The following SPOCK3 variants were observed in gnomAD, a reference collection of about 807,000 sequenced individuals.
SPOCK3 encodes testican-3.
In SPOCK3, 30 loss-of-function variants were observed where a neutral mutation model predicts 56.6. That is an observed-to-expected ratio of 0.53 (90% CI 0.40 to 0.72). The LOEUF (loss-of-function observed/expected upper bound fraction) is 0.72, where lower values mean the gene tolerates loss of function less well. SPOCK3 is among the 30% of genes least tolerant of loss of function. SPOCK3 has a pLI of 0.00. For missense variants in SPOCK3, 527 were observed against 530.0 expected (o/e 0.99, Z 0.06); for synonymous variants, 196 against 183.3 (o/e 1.07, Z -0.56).
chr4:166,856,705 C>T (rs970540333), intron 6 of SPOCK3, among the ~76,000 whole-genome samples: 44 of 151,812 alleles, frequency 2.9e-4, no homozygotes, highest in African/African-American at 9.7e-4. Context: ...ACCCGGGAGG[C>T]GGAGGTTGCA....
chr4:166,946,785 A>G (rs966945382), intron 4 of SPOCK3, among the ~76,000 whole-genome samples: 1 of 152,192 alleles, frequency 6.6e-6, no homozygotes, highest in Non-Finnish European at 1.5e-5. Flanking sequence ...TAAGTACAGC[A>G]TGGGCAGGAA....
chr4:167,185,295 T>C (rs6553593), intron 2 of SPOCK3, among the ~76,000 whole-genome samples: 1 of 152,152 alleles, frequency 6.6e-6, no homozygotes, highest in East Asian at 1.9e-4. Context: ...CCAGTTGACA[T>C]TATGTCACGC....
At chr4:167,128,529 C>T (rs1762466085) in intron 2 of SPOCK3, among the ~76,000 whole-genome samples, 1 of 152,162 alleles carries the variant, frequency 6.6e-6, no homozygotes, top group Non-Finnish European at 1.5e-5. Flanking sequence ...TGGAGGTGTT[C>T]ATATACTGTG....
chr4:167,085,203 G>A (rs1758078149), intron 2 of SPOCK3, among the ~76,000 whole-genome samples: 2 of 149,900 alleles, frequency 1.3e-5, no homozygotes, highest in South Asian at 2.1e-4. Context: ...AATGTCCTTT[G>A]AGGAATGACT....
intron 7 of SPOCK3, among the ~76,000 whole-genome samples, chr4:166,762,724 T>C (rs780513970): frequency 1.3e-5 from 2 of 152,076 alleles, no homozygotes; most frequent in Non-Finnish European, 2.9e-5. Flanking sequence ...CTAGAATGTC[T>C]AGAGATGAAA....
At chr4:167,137,492 T>G (rs1039442783) in intron 2 of SPOCK3, among the ~76,000 whole-genome samples, 2 of 151,996 alleles carry the variant, frequency 1.3e-5, no homozygotes, top group African/African-American at 4.8e-5. Flanking sequence ...CCTATTACTT[T>G]TATTGATTAA....
intron 6 of SPOCK3, among the ~76,000 whole-genome samples, chr4:166,865,966 T>C (rs1265595113): frequency 5.9e-5 from 9 of 152,102 alleles, no homozygotes; most frequent in Non-Finnish European, 1.3e-4. Context: ...AGACCCCTTG[T>C]AGCCAAGACA....
At chr4:166,926,034 C>A (rs1418228737) in intron 4 of SPOCK3, among the ~76,000 whole-genome samples, 1 of 152,096 alleles carries the variant, frequency 6.6e-6, no homozygotes, top group Admixed American at 6.5e-5. Flanking sequence ...ATTTACACAA[C>A]CACTTGAGTG....
chr4:167,081,842 G>A (rs1757734313), intron 2 of SPOCK3, among the ~76,000 whole-genome samples: 1 of 151,820 alleles, frequency 6.6e-6, no homozygotes, highest in Non-Finnish European at 1.5e-5. Context: ...GAAAGCAGAA[G>A]TGAGTCTTAT....
intron 6 of SPOCK3, among the ~76,000 whole-genome samples, chr4:166,816,516 C>T (rs1409348797): frequency 6.6e-6 from 1 of 152,016 alleles, no homozygotes; most frequent in Non-Finnish European, 1.5e-5. Context: ...TGTAAGGATG[C>T]AATTTTGCAG....
rs1733279766 is a variant in SPOCK3, at chr4:167,199,289, C to A, written c.189+34696G>T. On this transcript the variant is annotated intron_variant, in intron 2 of 10. Coordinates refer to ENST00000357545, the MANE Select transcript of SPOCK3 (RefSeq NM_001040159.2). ...TTTAGTAGATGTAGTGTTCCCCAGA[C>A]ACCTCTTCAGGTATCTGATTCCCCA... Among the ~76,000 whole-genome samples, 3 of 151,306 alleles carry A rather than the reference C, an allele frequency of 2.0e-5. No individual in the cohort carries two copies. The South Asian group carries it at 6.3e-4, about 32-fold the overall frequency.
At chr4:167,116,823 AT>A (rs1314932040) in intron 2 of SPOCK3, among the ~76,000 whole-genome samples, 1 of 141,346 alleles carries the variant, frequency 7.1e-6, no homozygotes, top group Admixed American at 7.3e-5. Flanking sequence ...AGATGTATAT[AT>A]ATAAAAGTAT....
At chr4:167,103,689 A>T (rs1325860741) in intron 2 of SPOCK3, among the ~76,000 whole-genome samples, 1 of 152,174 alleles carries the variant, frequency 6.6e-6, no homozygotes, top group East Asian at 1.9e-4. Context: ...GAAGGACACA[A>T]GCCTAGCTGG....
At chr4:167,156,997 G>A (rs1241165030) in intron 2 of SPOCK3, among the ~76,000 whole-genome samples, 1 of 152,056 alleles carries the variant, frequency 6.6e-6, no homozygotes, top group Non-Finnish European at 1.5e-5. Context: ...GTAAATGCTG[G>A]ATCTCTTGCA....
At chr4:166,995,236 CATGT>C (rs1478816482) in intron 4 of SPOCK3, among the ~76,000 whole-genome samples, 3 of 84,430 alleles carry the variant, frequency 3.6e-5, no homozygotes, top group African/African-American at 6.3e-5. Flanking sequence ...CACATATATG[CATGT>C]ATGTATGTAT....
At chr4:167,221,286 T>A (rs534090004) in intron 2 of SPOCK3, among the ~76,000 whole-genome samples, 155 of 152,194 alleles carry the variant, frequency 1.0e-3, no homozygotes, top group African/African-American at 3.3e-3. Context: ...GAGGATCACT[T>A]GAGCCCAGGA....
chr4:167,005,893 T>C (rs983292399), intron 3 of SPOCK3, among the ~76,000 whole-genome samples: 1 of 152,188 alleles, frequency 6.6e-6, no homozygotes, highest in Non-Finnish European at 1.5e-5. Flanking sequence ...GGACTACTAT[T>C]TTTAATTGCA....
At chr4:167,137,020 A>G (rs1763176046) in intron 2 of SPOCK3, among the ~76,000 whole-genome samples, 1 of 152,098 alleles carries the variant, frequency 6.6e-6, no homozygotes, top group Non-Finnish European at 1.5e-5. Context: ...AAAATCCAGC[A>G]TTATAATTCT....
rs1736840078 is a variant in SPOCK3 at position 166,754,692 on chromosome 4, T to C, written c.747A>G (p.Ser249=). 3.1e-6 allele frequency: 5 copies of C among 1,613,500 alleles called. No individual in the cohort carries two copies. The highest frequency in any genetic ancestry group is 4.2e-6 in the Non-Finnish European group (5 of 1,179,720). ...DTSILPICKD[S]LGWMFNRLDT... is the part of the protein sequence containing the mutation. ...CAAGTCTGTTAAACATCCAGCCAAG[T>C]GAGTCCTTGCAAATTGGCAAGATGC... Residue 249 remains serine, a synonymous_variant, in exon 8 of 11, where the codon TCA becomes TCG. Transcript: ENST00000357545.
Sources: allele counts gnomAD v4.1 joint callset (sites outside exome capture counted in the v4.1 genomes callset), GRCh38; gene constraint gnomAD v4.1.1; transcripts MANE v1.5; gene names NCBI Gene and HGNC (gene_info 2026-07-23, HGNC 2026-07-21).